ERC2: variants seen among roughly 807,000 people sequenced by gnomAD.
The protein encoded by ERC2 is ERC protein 2.
A neutral mutation model predicts 114.8 loss-of-function variants in ERC2; 42 were observed. The ratio of observed to expected loss-of-function variants is 0.37; its 90% confidence interval spans 0.29 to 0.47. The LOEUF is 0.47. ERC2 is among the 20% of genes least tolerant of loss of function. The pLI is 0.99. For missense variants in ERC2, 939 were observed against 1,150.7 expected, an observed-to-expected ratio of 0.82 and a Z score of 2.66; for synonymous variants, 454 against 425.5, an observed-to-expected ratio of 1.07 and a Z score of -0.82.
At chr3:55,954,059 G>A (rs1045730804) in intron 12 of ERC2, among the ~76,000 whole-genome samples, 1 of 107,572 alleles carries the variant, frequency 9.3e-6, no homozygotes, top group South Asian at 3.3e-4. Context: ...GGCTCTGCAA[G>A]AGACTGACTT....
chr3:55,723,499 A>G (rs2064712205), intron 15 of ERC2, among the ~76,000 whole-genome samples: 1 of 152,184 alleles, frequency 6.6e-6, no homozygotes, highest in Admixed American at 6.5e-5. Context: ...GAAAAAAAAC[A>G]ATAAACAAGG....
chr3:56,418,258 T>C (rs552170411), intron 2 of ERC2, among the ~76,000 whole-genome samples: 1 of 145,312 alleles, frequency 6.9e-6, no homozygotes, highest in East Asian at 2.0e-4. Context: ...TGATTGCCAC[T>C]GCACCCCAGC....
chr3:55,957,224 T>C (rs113543947), intron 12 of ERC2, among the ~76,000 whole-genome samples: 19 of 152,262 alleles, frequency 1.2e-4, no homozygotes, highest in African/African-American at 3.9e-4. Flanking sequence ...TTCCTATTCC[T>C]TGTTCAGCCT....
chr3:56,045,933 T>C (rs910119324), intron 7 of ERC2, among the ~76,000 whole-genome samples: 1 of 152,134 alleles, frequency 6.6e-6, no homozygotes, highest in African/African-American at 2.4e-5. Flanking sequence ...TATTAAAATA[T>C]AAAAATTACA....
intron 14 of ERC2, among the ~76,000 whole-genome samples, chr3:55,860,989 C>G (rs922077566): frequency 6.6e-6 from 1 of 152,084 alleles, no homozygotes; most frequent in African/African-American, 2.4e-5. Flanking sequence ...ATTTTAGAAG[C>G]AAAAACCAAA....
chr3:55,868,530 C>T (rs2062429339), intron 14 of ERC2, among the ~76,000 whole-genome samples: 1 of 152,362 alleles, frequency 6.6e-6, no homozygotes, highest in East Asian at 1.9e-4. Flanking sequence ...CTGGCTCTCC[C>T]TCCCTCCCGG....
chr3:55,773,903 T>G (rs937627099), intron 14 of ERC2, among the ~76,000 whole-genome samples: 1 of 152,206 alleles, frequency 6.6e-6, no homozygotes, highest in East Asian at 1.9e-4. Flanking sequence ...GCGGCTTTTG[T>G]GTATATACTT....
At chr3:56,271,943 G>T (rs2053681130) in intron 3 of ERC2, among the ~76,000 whole-genome samples, 1 of 152,154 alleles carries the variant, frequency 6.6e-6, no homozygotes, top group Non-Finnish European at 1.5e-5. Context: ...TTTTATGGCT[G>T]TGTAGTATTC....
At chr3:55,665,203 T>G (rs989353241) in intron 17 of ERC2, among the ~76,000 whole-genome samples, 1 of 152,198 alleles carries the variant, frequency 6.6e-6, no homozygotes, top group African/African-American at 2.4e-5. Context: ...GCACATTTCC[T>G]GACTCTTCAA....
intron 17 of ERC2, among the ~76,000 whole-genome samples, chr3:55,514,987 A>G (rs1043194383): frequency 6.6e-6 from 1 of 152,192 alleles, no homozygotes; most frequent in African/African-American, 2.4e-5. Context: ...AGTGAGAAAA[A>G]CAGACAAGGT....
chr3:56,042,096 C>A (rs550590519), intron 7 of ERC2, among the ~76,000 whole-genome samples: 1 of 152,250 alleles, frequency 6.6e-6, no homozygotes, highest in African/African-American at 2.4e-5. Context: ...ACACAACTAC[C>A]CCAGGAGTCT....
chr3:56,037,429 G>C (rs2074876147), intron 7 of ERC2, among the ~76,000 whole-genome samples: 1 of 152,116 alleles, frequency 6.6e-6, no homozygotes, highest in African/African-American at 2.4e-5. Context: ...TAGCTGAAGA[G>C]ACCACGCAGA....
intron 6 of ERC2, among the ~76,000 whole-genome samples, chr3:56,117,847 G>A (rs984293042): frequency 1.3e-5 from 2 of 152,194 alleles, no homozygotes; most frequent in Admixed American, 1.3e-4. Context: ...TCAACAACAG[G>A]CTGGAGGAAG....
intron 14 of ERC2, among the ~76,000 whole-genome samples, chr3:55,839,740 C>G (rs966310648): frequency 6.6e-6 from 1 of 151,464 alleles, no homozygotes; most frequent in Non-Finnish European, 1.5e-5. Flanking sequence ...ATTAAAAATC[C>G]TCAATTAATC....
At chr3:55,599,516 A>ATG (rs1182052525) in intron 17 of ERC2, among the ~76,000 whole-genome samples, 2 of 152,312 alleles carry the variant, frequency 1.3e-5, no homozygotes, top group East Asian at 1.9e-4. Context: ...ATGGTTCATT[A>ATG]TGTGTGTGTG....
chr3:55,958,674 G>A (rs1324599516), intron 12 of ERC2, among the ~76,000 whole-genome samples: 1 of 152,232 alleles, frequency 6.6e-6, no homozygotes, highest in African/African-American at 2.4e-5. Flanking sequence ...TCTAGAGAGG[G>A]CCGAGGCAAC....
intron 5 of ERC2, among the ~76,000 whole-genome samples, chr3:56,146,557 T>C (rs946411159): frequency 6.6e-6 from 1 of 152,250 alleles, no homozygotes; most frequent in African/African-American, 2.4e-5. Flanking sequence ...ATTGTTATGA[T>C]TATTATTTGG....
chr3:56,069,268 A>G (rs2076619321), intron 7 of ERC2, among the ~76,000 whole-genome samples: 1 of 152,214 alleles, frequency 6.6e-6, no homozygotes, highest in South Asian at 2.1e-4. Context: ...CTTTGTCAGT[A>G]TCCTGTGAAC....
At chr3:56,269,789 C>G (rs530485911) in intron 3 of ERC2, among the ~76,000 whole-genome samples, 19 of 152,172 alleles carry the variant, frequency 1.2e-4, no homozygotes, top group African/African-American at 4.6e-4. Context: ...GTTAAGAAAG[C>G]CAGGAAAATT....
Sources: allele counts gnomAD v4.1 joint callset (sites outside exome capture counted in the v4.1 genomes callset), GRCh38; gene constraint gnomAD v4.1.1; transcripts MANE v1.5; gene names NCBI Gene and HGNC (gene_info 2026-07-23, HGNC 2026-07-21).